Variants in FRAS1 observed in about 807,000 individuals in gnomAD.
FRAS1 encodes extracellular matrix organizing protein FRAS1.
FRAS1 carries 290 observed loss-of-function variants against 435.2 expected under a neutral mutation model. That is an observed-to-expected ratio of 0.67 (90% CI 0.61 to 0.73). FRAS1 has a LOEUF of 0.73. Ranked by LOEUF, FRAS1 falls within the 30% of genes least tolerant of loss-of-function variation. FRAS1 has a pLI of 0.00. For missense variants in FRAS1, 4,860 were observed against 5,001.5 expected (o/e 0.97, Z 0.85); for synonymous variants, 1,800 against 1,851.0 (o/e 0.97, Z 0.71).
At chr4:78,192,820 G>C (rs151329606) in intron 2 of FRAS1, among the ~76,000 whole-genome samples, 295 of 152,212 alleles carry the variant, frequency 1.9e-3, no homozygotes, top group African/African-American at 6.7e-3. Flanking sequence ...AATAGCTTTT[G>C]AATGTGTTTG....
chr4:78,182,992 G>C (rs928662026), intron 2 of FRAS1, among the ~76,000 whole-genome samples: 1 of 152,024 alleles, frequency 6.6e-6, no homozygotes, highest in African/African-American at 2.4e-5. Context: ...CAGGAACTCA[G>C]GCTGAGAAGA....
intron 2 of FRAS1, among the ~76,000 whole-genome samples, chr4:78,193,659 G>A (rs1722656536): frequency 6.6e-6 from 1 of 152,148 alleles, no homozygotes; most frequent in Non-Finnish European, 1.5e-5. Flanking sequence ...TTGAGCCTAT[G>A]TGTGTCCCTG....
intron 14 of FRAS1, among the ~76,000 whole-genome samples, chr4:78,304,619 C>T (rs7697023): frequency 0.69 from 103,860 of 151,184 alleles, 36,351 homozygotes; most frequent in African/African-American, 0.77. Context: ...GAGGAATTTA[C>T]CCATTTCTTC....
chr4:78,511,501 G>A lies in FRAS1; in HGVS notation c.10008G>A (p.Pro3336=), dbSNP rs76120498. The change falls in exon 64 of 74, where the codon CCG becomes CCA. Residue 3336 remains proline, a synonymous_variant. Transcript: ENST00000512123. ...TGGATGTCAAACATAAGGAGCATCCGAACAGGTCAGGCAGGTGGTGCCTTC... is the reference window on the plus strand; with the variant it reads ...TGGATGTCAAACATAAGGAGCATCCAAACAGGTCAGGCAGGTGGTGCCTTC... ...KYLDVKHKEH[P]NRIHISVQIP... 2.4e-4 allele frequency: 387 copies of A among 1,611,642 alleles called. 4 individuals carry two copies. In the East Asian group the frequency reaches 6.5e-3, roughly 27 times the overall value.
chr4:78,140,333 G>A (rs1184320760), intron 2 of FRAS1, among the ~76,000 whole-genome samples: 2 of 151,902 alleles, frequency 1.3e-5, no homozygotes, highest in Admixed American at 6.6e-5. Context: ...TGTAAGGATT[G>A]GTTCCATTTT....
intron 65 of FRAS1, among the ~76,000 whole-genome samples, chr4:78,514,970 A>G (rs1721158821): frequency 6.6e-6 from 1 of 151,740 alleles, no homozygotes; most frequent in African/African-American, 2.4e-5. Context: ...CGGGAGGCTG[A>G]GACAGGAGAA....
chr4:78,067,262 A>G (rs547385245), intron 2 of FRAS1, among the ~76,000 whole-genome samples: 20 of 152,326 alleles, frequency 1.3e-4, no homozygotes, highest in African/African-American at 4.3e-4. Context: ...AATGGAAAAG[A>G]TGAGAGAGAG....
intron 2 of FRAS1, chr4:78,181,106 CTT>C: frequency 1.9e-6 from 3 of 1,567,108 alleles, no homozygotes; most frequent in Non-Finnish European, 2.6e-6. Context: ...CCTCTTCACT[CTT>C]TGATTTATGA....
intron 29 of FRAS1, among the ~76,000 whole-genome samples, chr4:78,398,850 G>A (rs777371836): frequency 9.2e-5 from 14 of 152,182 alleles, no homozygotes. Flanking sequence ...AGGCATGGTG[G>A]TAGGCACCTA....
intron 2 of FRAS1, among the ~76,000 whole-genome samples, chr4:78,157,635 A>C (rs1190811689): frequency 6.6e-6 from 1 of 152,150 alleles, no homozygotes; most frequent in African/African-American, 2.4e-5. Flanking sequence ...GTGACTGTTC[A>C]TGTCATTTGC....
At chr4:78,395,808 C>A (rs1287954544) in intron 29 of FRAS1, among the ~76,000 whole-genome samples, 1 of 152,078 alleles carries the variant, frequency 6.6e-6, no homozygotes, top group Non-Finnish European at 1.5e-5. Context: ...TCTGTCCATT[C>A]AGCCACTCTG....
chr4:78,390,971 A>G (rs1314321083), intron 29 of FRAS1, among the ~76,000 whole-genome samples: 1 of 152,256 alleles, frequency 6.6e-6, no homozygotes, highest in Non-Finnish European at 1.5e-5. Flanking sequence ...TTGTGTGAAC[A>G]GGGACTATTC....
chr4:78,536,037 TA>T lies in FRAS1; in HGVS notation c.11093-953del, dbSNP rs375005220. ...GCTGTGGAACCTTGGATAAGTTACT[TA>T]AAAATGGGAATAATAATTGAAGCTA... On this transcript the variant is annotated intron_variant, in intron 71 of 73. Coordinates refer to ENST00000512123, the MANE Select transcript of FRAS1 (RefSeq NM_025074.7). Among the ~76,000 whole-genome samples, 206 of 152,264 alleles carry T rather than the reference TA, an allele frequency of 1.4e-3. 1 individual carries two copies. The highest frequency in any genetic ancestry group is 4.6e-3 in the African/African-American group (192 of 41,514).
At position 78,058,100 on chromosome 4, in the gene FRAS1, C is replaced by T; in HGVS notation, c.76+15C>T. The T allele has an allele frequency of 6.4e-7, 1 of 1,562,576 alleles. No individual in the cohort carries two copies. The highest frequency in any genetic ancestry group is 8.7e-7 in the Non-Finnish European group (1 of 1,146,708). On this transcript the variant is annotated intron_variant, in intron 1 of 73. Transcript: ENST00000512123. ...TCATTCCGAAGGTGAGAGAGCGGTG[C>T]CGCGTGTGTGTGTGTGTGTGCGTGT...
intron 58 of FRAS1, among the ~76,000 whole-genome samples, 185 bp from the exon 59 acceptor site, chr4:78,488,690 G>T (rs1720247667): frequency 6.6e-6 from 1 of 152,180 alleles, no homozygotes; most frequent in Non-Finnish European, 1.5e-5. Context: ...AGTAGAAGCA[G>T]TTCCCTTGTC....
intron 41 of FRAS1, among the ~76,000 whole-genome samples, chr4:78,443,768 T>G (rs1044516129): frequency 1.3e-5 from 2 of 152,260 alleles, no homozygotes; most frequent in Admixed American, 6.5e-5. Flanking sequence ...CAGATTCACT[T>G]GTTTAATAGC....
At chr4:78,182,896 GA>G (rs11431345) in intron 2 of FRAS1, among the ~76,000 whole-genome samples, 52,130 of 136,932 alleles carry the variant, frequency 0.38, 10,630 homozygotes, top group African/African-American at 0.5. Context: ...AAGAAAAAAA[GA>G]AAAAAAAAAA....
intron 38 of FRAS1, among the ~76,000 whole-genome samples, chr4:78,433,725 T>C (rs1322253163): frequency 6.6e-6 from 1 of 152,242 alleles, no homozygotes; most frequent in Non-Finnish European, 1.5e-5. Context: ...AGTTATGGTT[T>C]TTTGAATCTT....
In FRAS1 at chr4:78,412,972, T is replaced by G; in HGVS notation, c.4312T>G (p.Ser1438Ala). ...ACCAGGATGACTTTCTTTTCAGGTG[T>G]CCAGTGCCTCCAATGCCCAGACCCG... Reference protein sequence around the residue: ...AQSDSFRFEVSSASNAQTRLE... With the variant: ...AQSDSFRFEVASASNAQTRLE... Residue 1438 changes from serine (S) to alanine (A), a missense_variant, in exon 32 of 74, where the codon TCC (serine) becomes GCC (alanine). Ser to Ala is a moderately conservative substitution (Grantham distance 99). Coordinates refer to ENST00000512123, the MANE Select transcript of FRAS1 (RefSeq NM_025074.7). 6.3e-7 allele frequency: 1 copy of G among 1,596,398 alleles called. No individual in the cohort carries two copies. The highest frequency in any genetic ancestry group is 8.5e-7 in the Non-Finnish European group (1 of 1,170,962).
Sources: gnomAD v4.1 joint callset for allele counts (sites outside exome capture counted in the v4.1 genomes callset) on GRCh38, gnomAD v4.1.1 for gene constraint, MANE v1.5 for transcripts, NCBI Gene and HGNC (gene_info 2026-07-23, HGNC 2026-07-21) for gene names.